Variants in FSIP1 observed in about 807,000 individuals in gnomAD.
The protein encoded by FSIP1 is fibrous sheath-interacting protein 1.
FSIP1 carries 65 observed loss-of-function variants against 60.9 expected under a neutral mutation model. The observed-to-expected ratio is 1.07, with a 90% CI of 0.87 to 1.31. The LOEUF is 1.31. Ranked by LOEUF, FSIP1 falls within the 40% of genes most tolerant of loss-of-function variation. FSIP1 has a pLI of 0.00. For synonymous variants in FSIP1, 209 were observed against 221.2 expected (o/e 0.94, Z 0.49); for missense variants, 675 against 665.5 (o/e 1.01, Z -0.16).
At chr15:39,699,533 G>T (rs903375631) in intron 10 of FSIP1, among the ~76,000 whole-genome samples, 1 of 152,180 alleles carries the variant, frequency 6.6e-6, no homozygotes, top group African/African-American at 2.4e-5. Context: ...CAACCTGCCA[G>T]TAATATCTTT....
At chr15:39,656,163 G>C (rs1255686990) in intron 10 of FSIP1, among the ~76,000 whole-genome samples, 1 of 152,100 alleles carries the variant, frequency 6.6e-6, no homozygotes, top group African/African-American at 2.4e-5. Flanking sequence ...AGTGGAGGCT[G>C]TGAAGCCAAT....
intron 7 of FSIP1, among the ~76,000 whole-genome samples, chr15:39,738,929 A>G (rs1896709213): frequency 6.6e-6 from 1 of 152,218 alleles, no homozygotes; most frequent in Non-Finnish European, 1.5e-5. Flanking sequence ...GAAGGGTAAA[A>G]AATTACTTAA....
intron 2 of FSIP1, 118 bp from the exon 3 acceptor site, chr15:39,770,728 C>A (rs1456096112): frequency 1.8e-6 from 1 of 566,624 alleles, no homozygotes; most frequent in East Asian, 3.0e-5. Context: ...TAAATGCATA[C>A]ACTAGCATTA....
intron 10 of FSIP1, among the ~76,000 whole-genome samples, chr15:39,698,910 T>C (rs971870447): frequency 2.0e-5 from 3 of 152,206 alleles, no homozygotes; most frequent in Non-Finnish European, 2.9e-5. Context: ...ATAACCAAGG[T>C]TGGTTTATTT....
At chr15:39,732,080 G>A (rs747604760) in intron 8 of FSIP1, among the ~76,000 whole-genome samples, 14 of 152,180 alleles carry the variant, frequency 9.2e-5, no homozygotes, top group Non-Finnish European at 1.6e-4. Context: ...CAGACCATCA[G>A]GCATTAGATT....
chr15:39,732,883 C>T (rs1896463698), intron 8 of FSIP1, among the ~76,000 whole-genome samples: 2 of 152,118 alleles, frequency 1.3e-5, no homozygotes, highest in Admixed American at 1.3e-4. Flanking sequence ...TAAATAGGTT[C>T]CTTCTTCAAA....
intron 1 of FSIP1, among the ~76,000 whole-genome samples, chr15:39,776,844 T>C (rs1188242511): frequency 2.6e-5 from 4 of 152,148 alleles, no homozygotes; most frequent in Admixed American, 6.5e-5. Context: ...ATGTCCCTGG[T>C]CTTCCCCGAG....
intron 10 of FSIP1, among the ~76,000 whole-genome samples, chr15:39,693,159 G>A (rs1024415976): frequency 2.0e-5 from 3 of 152,096 alleles, no homozygotes; most frequent in African/African-American, 7.2e-5. Flanking sequence ...ATTACTAGTC[G>A]GGAATTTTTA....
chr15:39,777,814 G>T (rs1898113521), intron 1 of FSIP1, among the ~76,000 whole-genome samples: 1 of 152,142 alleles, frequency 6.6e-6, no homozygotes, highest in African/African-American at 2.4e-5. Flanking sequence ...GAATGAAAAA[G>T]GCAATTGCCT....
chr15:39,766,860 G>A (rs570126087), intron 3 of FSIP1, among the ~76,000 whole-genome samples: 62 of 152,120 alleles, frequency 4.1e-4, no homozygotes, highest in African/African-American at 1.4e-3. Flanking sequence ...TTTTTTAAGA[G>A]ACAGGATCTC....
chr15:39,617,908 A>C lies in FSIP1; in HGVS notation c.1526T>G (p.Phe509Cys). Residue 509 changes from phenylalanine to cysteine, a missense_variant, in exon 11 of 12, where the codon TTT becomes TGT. By Grantham distance (205) the Phe-to-Cys change is radical. Transcript: ENST00000350221. ...GTCACTAATAATAACGTCCTTGGAA[A>C]ATTGAAGGCATTTCATATTCTCTGC... ...TEAENMKCLQFSKDVIISDTK... is the reference protein window; with the variant it reads ...TEAENMKCLQCSKDVIISDTK... 1.9e-6 allele frequency: 3 copies of C among 1,614,192 alleles called. No homozygotes were observed. Among genetic ancestry groups the C allele is most frequent in the Non-Finnish European group, 2.5e-6 (3 of 1,180,026 alleles).
intron 10 of FSIP1, among the ~76,000 whole-genome samples, chr15:39,643,880 C>G (rs916374988): frequency 6.6e-6 from 1 of 152,182 alleles, no homozygotes; most frequent in East Asian, 1.9e-4. Context: ...TCACATTTTT[C>G]AACCTTCCAG....
chr15:39,757,059 A>G (rs998009503), intron 5 of FSIP1, among the ~76,000 whole-genome samples: 4 of 152,152 alleles, frequency 2.6e-5, no homozygotes, highest in Admixed American at 2.0e-4. Flanking sequence ...TATTGTAACT[A>G]GATGCTGCCA....
Position 39,670,476 on chromosome 15 carries a change from T to A in FSIP1, c.1188+42968A>T, listed in dbSNP as rs191624370. 5.8e-3 allele frequency among the ~76,000 whole-genome samples: 879 copies of A among 152,344 alleles called. 38 individuals are homozygous for A. The highest frequency in any genetic ancestry group is 0.053 in the Admixed American group (814 of 15,304). On this transcript the variant is annotated intron_variant, in intron 10 of 11. Transcript: ENST00000350221. ...AGATTCATGATTATTTTCTCTCTTT[T>A]GTCTTTTTCTTTTTCTTTTTTTAGA...
intron 10 of FSIP1, among the ~76,000 whole-genome samples, chr15:39,649,183 A>C (rs550544108): frequency 2.6e-5 from 4 of 152,214 alleles, no homozygotes; most frequent in Non-Finnish European, 4.4e-5. Context: ...ATGTATAAGG[A>C]TAAATTATGT....
intron 10 of FSIP1, among the ~76,000 whole-genome samples, chr15:39,663,056 A>G (rs1893361263): frequency 6.6e-6 from 1 of 152,188 alleles, no homozygotes; most frequent in African/African-American, 2.4e-5. Context: ...TTCTGAAAAA[A>G]TTAATTCTGC....
At chr15:39,771,822 A>C (rs1481494490) in intron 2 of FSIP1, among the ~76,000 whole-genome samples, 2 of 152,220 alleles carry the variant, frequency 1.3e-5, no homozygotes, top group Non-Finnish European at 2.9e-5. Flanking sequence ...AAATGCCAGA[A>C]AAAGTCTGTA....
intron 10 of FSIP1, among the ~76,000 whole-genome samples, chr15:39,689,955 TAC>T (rs1326707504): frequency 6.6e-6 from 1 of 152,248 alleles, no homozygotes; most frequent in Non-Finnish European, 1.5e-5. Context: ...AGAAGGTCAG[TAC>T]CCATGTATTA....
At chr15:39,768,129 C>A (rs1178995646) in intron 3 of FSIP1, among the ~76,000 whole-genome samples, 1 of 152,222 alleles carries the variant, frequency 6.6e-6, no homozygotes, top group Non-Finnish European at 1.5e-5. Context: ...CATCTGCCTG[C>A]CCCCTCTAGG....
Sources: gnomAD v4.1 joint callset for allele counts (sites outside exome capture counted in the v4.1 genomes callset) on GRCh38, gnomAD v4.1.1 for gene constraint, MANE v1.5 for transcripts, NCBI Gene and HGNC (gene_info 2026-07-23, HGNC 2026-07-21) for gene names.